SLC35D4: variants seen among roughly 807,000 people sequenced by gnomAD.
SLC35D4 encodes UDP-N-acetylglucosamine transporter SLC35D4.
chr18:23,377,323 C>G, the SLC35D4 span, among the ~76,000 whole-genome samples: 7 of 152,196 alleles, frequency 4.6e-5, no homozygotes, highest in Non-Finnish European at 1.0e-4. Flanking sequence ...ACAAACATTA[C>G]TTTTAAATTT....
At chr18:23,417,179 C>T in the SLC35D4 span, among the ~76,000 whole-genome samples, 1 of 151,534 alleles carries the variant, frequency 6.6e-6, no homozygotes. Context: ...AAGTTCAAGG[C>T]TGCAGTGAGC....
At chr18:23,377,201 G>A in the SLC35D4 span, among the ~76,000 whole-genome samples, 3 of 152,212 alleles carry the variant, frequency 2.0e-5, no homozygotes, top group East Asian at 1.9e-4. Context: ...CAAAGAGGAC[G>A]AGGAAAGCTG....
the SLC35D4 span, among the ~76,000 whole-genome samples, chr18:23,319,352 C>A: frequency 6.6e-6 from 1 of 151,856 alleles, no homozygotes; most frequent in African/African-American, 2.4e-5. Flanking sequence ...CTCACTGCAA[C>A]CTCTGCCTCC....
chr18:23,263,102 T>C, the SLC35D4 span, among the ~76,000 whole-genome samples: 6 of 150,262 alleles, frequency 4.0e-5, no homozygotes, highest in Non-Finnish European at 8.8e-5. Flanking sequence ...CTCTGAAACA[T>C]CACATAAGGT....
the SLC35D4 span, among the ~76,000 whole-genome samples, chr18:23,326,526 A>G: frequency 6.6e-6 from 1 of 152,220 alleles, no homozygotes; most frequent in Non-Finnish European, 1.5e-5. Flanking sequence ...TATGCACCCA[A>G]TACAGGAGCA....
the SLC35D4 span, among the ~76,000 whole-genome samples, chr18:23,314,103 C>T: frequency 6.6e-6 from 1 of 152,216 alleles, no homozygotes; most frequent in African/African-American, 2.4e-5. Context: ...GGACACTACA[C>T]ACAGCACCCA....
the SLC35D4 span, among the ~76,000 whole-genome samples, chr18:23,349,594 G>A: frequency 2.0e-5 from 3 of 152,230 alleles, no homozygotes; most frequent in African/African-American, 7.2e-5. Context: ...TGACACCACT[G>A]CACTCCAGCC....
chr18:23,295,616 A>T, the SLC35D4 span, among the ~76,000 whole-genome samples: 1 of 152,178 alleles, frequency 6.6e-6, no homozygotes, highest in African/African-American at 2.4e-5. Flanking sequence ...GAGACCAGGA[A>T]AAGACAAGGA....
chr18:23,245,990 G>A, the SLC35D4 span, among the ~76,000 whole-genome samples: 101 of 152,318 alleles, frequency 6.6e-4, no homozygotes, highest in African/African-American at 2.3e-3. Context: ...GGTCCCGGCC[G>A]GGCACGGTGG....
chr18:23,406,933 G>A, the SLC35D4 span, among the ~76,000 whole-genome samples: 1 of 152,150 alleles, frequency 6.6e-6, no homozygotes, highest in Non-Finnish European at 1.5e-5. Flanking sequence ...GGCCTCCTAA[G>A]TAGCTGGGAC....
At chr18:23,315,687 A>T in the SLC35D4 span, among the ~76,000 whole-genome samples, 1 of 152,066 alleles carries the variant, frequency 6.6e-6, no homozygotes, top group South Asian at 2.1e-4. Context: ...CATTCTCTCT[A>T]CCCCTTATCC....
At chr18:23,249,596 T>G in the SLC35D4 span, among the ~76,000 whole-genome samples, 1 of 152,214 alleles carries the variant, frequency 6.6e-6, no homozygotes, top group African/African-American at 2.4e-5. Context: ...CAGCGTCTTT[T>G]ACGTACGTTT....
chr18:23,330,460 C>A, the SLC35D4 span, among the ~76,000 whole-genome samples: 1 of 152,038 alleles, frequency 6.6e-6, no homozygotes, highest in Non-Finnish European at 1.5e-5. Flanking sequence ...AAATTAAAGT[C>A]ACAAGTTAAG....
the SLC35D4 span, among the ~76,000 whole-genome samples, chr18:23,268,918 T>C: frequency 5.9e-5 from 9 of 152,214 alleles, no homozygotes; most frequent in Admixed American, 2.0e-4. Flanking sequence ...AAATCTTAGC[T>C]AAACTATTGC....
At chr18:23,436,131 G>A in the SLC35D4 span, among the ~76,000 whole-genome samples, 2 of 148,312 alleles carry the variant, frequency 1.3e-5, no homozygotes, top group Admixed American at 1.4e-4. Context: ...AGGTTCAAGT[G>A]ATTCTCCTAC....
At chr18:23,242,540 G>A in the SLC35D4 span, among the ~76,000 whole-genome samples, 1 of 152,140 alleles carries the variant, frequency 6.6e-6, no homozygotes, top group African/African-American at 2.4e-5. Flanking sequence ...GTGGGTTTTT[G>A]TGTTTTTTTC....
At chr18:23,428,414 G>A in the SLC35D4 span, among the ~76,000 whole-genome samples, 22 of 152,284 alleles carry the variant, frequency 1.4e-4, no homozygotes, top group African/African-American at 9.6e-5. Flanking sequence ...AAACATTCAC[G>A]TAGAGGCTGA....
At chr18:23,437,848 C>T in the SLC35D4 span, 1 of 1,612,572 alleles carries the variant, frequency 6.2e-7, no homozygotes, top group Non-Finnish European at 8.5e-7. Flanking sequence ...CCTCCTCACG[C>T]ACATCTGTCA....
the SLC35D4 span, among the ~76,000 whole-genome samples, chr18:23,360,214 G>T: frequency 1.3e-5 from 2 of 152,296 alleles, no homozygotes; most frequent in Non-Finnish European, 1.5e-5. Context: ...AGTGGAAAAT[G>T]GTACAAACAC....
Sources: allele counts gnomAD v4.1 joint callset (sites outside exome capture counted in the v4.1 genomes callset), GRCh38; gene constraint gnomAD v4.1.1; transcripts MANE v1.5; gene names NCBI Gene and HGNC (gene_info 2026-07-23, HGNC 2026-07-21).